The following CNKSR2 variants were observed in gnomAD, a reference collection of about 807,000 sequenced individuals.
The protein encoded by CNKSR2 is connector enhancer of kinase suppressor of Ras 2.
A neutral mutation model predicts 84.4 loss-of-function variants in CNKSR2; 14 were observed. The ratio of observed to expected loss-of-function variants is 0.17; its 90% CI spans 0.11 to 0.26. The LOEUF is 0.26. Among genes scored for constraint, CNKSR2 ranks in the 10% least tolerant of loss-of-function variants. The probability of loss-of-function intolerance (pLI) is 1.00; values close to 1 mark genes in which losing one functional copy is unlikely to be tolerated. For missense variants in CNKSR2, 485 were observed against 771.2 expected (o/e 0.63, Z 4.40); for synonymous variants, 275 against 277.9 (o/e 0.99, Z 0.10).
intron 4 of CNKSR2, among the ~76,000 whole-genome samples, chrX:21,460,072 G>A (rs965191778): frequency 5.4e-5 from 6 of 111,510 alleles, no homozygotes; most frequent in Non-Finnish European, 9.4e-5. Context: ...ATCCTCAGCC[G>A]TCTTCCCACC....
intron 5 of CNKSR2, among the ~76,000 whole-genome samples, chrX:21,476,817 T>G (rs1332073135): frequency 1.8e-5 from 2 of 112,214 alleles, no homozygotes; most frequent in Non-Finnish European, 3.8e-5. Flanking sequence ...AATAATATTA[T>G]GTTTCACTTC....
intron 1 of CNKSR2, among the ~76,000 whole-genome samples, chrX:21,392,477 G>A (rs1402992523): frequency 1.8e-5 from 2 of 111,717 alleles, no homozygotes; most frequent in Non-Finnish European, 3.8e-5. Context: ...CATGCCTTAC[G>A]TGGTTGGAGA....
At chrX:21,453,384 T>C in intron 4 of CNKSR2, among the ~76,000 whole-genome samples, 1 of 110,470 alleles carries the variant, frequency 9.1e-6, no homozygotes. Context: ...GATGTGGGAT[T>C]ATGATAGGAT....
chrX:21,404,502 A>G (rs1033658114), intron 1 of CNKSR2, among the ~76,000 whole-genome samples: 1 of 110,694 alleles, frequency 9.0e-6, no homozygotes, highest in African/African-American at 3.3e-5. Flanking sequence ...TGTGCAGTAT[A>G]TTCTGGCCAG....
At chrX:21,490,638 C>G in intron 6 of CNKSR2, 60 bp downstream of exon 6, 1 of 1,068,201 alleles carries the variant, frequency 9.4e-7, no homozygotes, top group Non-Finnish European at 1.2e-6. Context: ...ATGATGTGGA[C>G]AAAGCAGCCT....
chrX:21,618,384 C>G (rs1440556197), intron 20 of CNKSR2, among the ~76,000 whole-genome samples: 1 of 111,397 alleles, frequency 9.0e-6, no homozygotes, highest in African/African-American at 3.3e-5. Flanking sequence ...CTATGTCATT[C>G]AATAAGGAAA....
chrX:21,386,012 T>C lies in CNKSR2; in HGVS notation c.64+11051T>C, dbSNP rs1351650510. On this transcript the variant is annotated intron_variant, in intron 1 of 21. Coordinates refer to ENST00000379510, the MANE Select transcript of CNKSR2 (RefSeq NM_014927.5). ...GATGTTCCCCTCTGCTGAGTCTGGA[T>C]GTAGGCAAAAAAAAAAAAAAAAAAA... 8.9e-5 allele frequency among the ~76,000 whole-genome samples: 7 copies of C among 78,341 alleles called. No individual in the cohort carries two copies. In the East Asian group the frequency reaches 2.5e-3, roughly 28 times the overall value. The allele number at this position is 78,341 out of a possible 115,157, so 68.0% of individuals were successfully genotyped here.
intron 3 of CNKSR2, among the ~76,000 whole-genome samples, chrX:21,433,182 G>T (rs1482024072): frequency 9.0e-6 from 1 of 111,413 alleles, no homozygotes; most frequent in Non-Finnish European, 1.9e-5. Context: ...TGACCATTGG[G>T]ATTCTATAAA....
chrX:21,564,754 GTT>G (rs35439020), intron 13 of CNKSR2, among the ~76,000 whole-genome samples: 5 of 101,201 alleles, frequency 4.9e-5, no homozygotes, highest in African/African-American at 1.8e-4. Flanking sequence ...GTAGAAAAAT[GTT>G]TTTTTTTTTG....
At chrX:21,588,974 T>C (rs778498213) in intron 13 of CNKSR2, among the ~76,000 whole-genome samples, 1 of 112,808 alleles carries the variant, frequency 8.9e-6, no homozygotes, top group African/African-American at 3.2e-5. Context: ...TTAAGCACAC[T>C]AGCCTGAGTT....
chrX:21,457,865 T>G (rs927494406), intron 4 of CNKSR2, among the ~76,000 whole-genome samples: 2 of 112,128 alleles, frequency 1.8e-5, no homozygotes, highest in African/African-American at 6.5e-5. Context: ...TCCATATCAC[T>G]TGATGTTCAT....
chrX:21,458,844 A>T (rs2147119705), intron 4 of CNKSR2, among the ~76,000 whole-genome samples: 1 of 110,437 alleles, frequency 9.1e-6, no homozygotes, highest in Non-Finnish European at 1.9e-5. Flanking sequence ...CACTTAAAGT[A>T]AAAACATGTG....
At chrX:21,593,007 A>G (rs1305259649) in intron 15 of CNKSR2, 1 of 109,665 alleles carries the variant, frequency 9.1e-6, no homozygotes, top group Non-Finnish European at 1.9e-5. Flanking sequence ...TCAGCAAGTT[A>G]TTGTTACTGT....
At chrX:21,494,833 T>C (rs781048842) in intron 6 of CNKSR2, 1 of 111,982 alleles carries the variant, frequency 8.9e-6, no homozygotes, top group Non-Finnish European at 1.9e-5. Context: ...ATTTCCTAGC[T>C]GTGCTTGAAT....
In CNKSR2 at chrX:21,493,602, GC is replaced by G. The variant is rs2091463762; in HGVS notation, c.681+3026del. The G allele has an allele frequency of 2.7e-5, 3 of 111,855 alleles. No homozygotes were observed. In the South Asian group the frequency reaches 1.1e-3, roughly 42 times the overall value. The allele number at this position is 111,855 out of a possible 1,213,427, so 9.2% of individuals were successfully genotyped here. On this transcript the variant is annotated intron_variant, in intron 6 of 21. Coordinates refer to ENST00000379510, the MANE Select transcript of CNKSR2 (RefSeq NM_014927.5). ...AATGAAGGTTTTGATGAAATGGAAA[GC>G]CATATTTGTCACGGTTCCAGAAAAA...
intron 1 of CNKSR2, among the ~76,000 whole-genome samples, chrX:21,401,518 C>A (rs1013438675): frequency 3.6e-5 from 4 of 111,435 alleles, no homozygotes; most frequent in Admixed American, 9.5e-5. Context: ...TTTCCCCTTT[C>A]CTTTCATAAT....
chrX:21,575,854 A>G (rs767248554), intron 13 of CNKSR2, among the ~76,000 whole-genome samples: 1 of 112,501 alleles, frequency 8.9e-6, no homozygotes, highest in South Asian at 3.7e-4. Context: ...TTCCTTCACC[A>G]CAACAGGCAT....
chrX:21,437,210 A>G (rs1248763846), intron 3 of CNKSR2, among the ~76,000 whole-genome samples: 1 of 110,811 alleles, frequency 9.0e-6, no homozygotes, highest in African/African-American at 3.3e-5. Flanking sequence ...TCTTTTAAGT[A>G]GTTATGGTAA....
At chrX:21,619,682 G>C (rs1367660497) in intron 20 of CNKSR2, among the ~76,000 whole-genome samples, 1 of 109,567 alleles carries the variant, frequency 9.1e-6, no homozygotes, top group African/African-American at 3.3e-5. Context: ...AGTTTATTCT[G>C]TAACTTACGA....
Sources: gnomAD v4.1 joint callset for allele counts (sites outside exome capture counted in the v4.1 genomes callset) on GRCh38, gnomAD v4.1.1 for gene constraint, MANE v1.5 for transcripts, NCBI Gene and HGNC (gene_info 2026-07-23, HGNC 2026-07-21) for gene names.